D2HGDH: variants seen among roughly 807,000 people sequenced by gnomAD.
D2HGDH encodes the protein D-2-hydroxyglutarate dehydrogenase.
In D2HGDH, 31 loss-of-function variants were observed where a neutral mutation model predicts 46.9. The observed-to-expected ratio is 0.66, with a 90% CI of 0.50 to 0.89. The LOEUF is 0.89. Ranked by LOEUF, D2HGDH falls within the 40% of genes least tolerant of loss-of-function variation. D2HGDH has a pLI of 0.00. For missense variants in D2HGDH, 698 were observed against 720.8 expected (o/e 0.97, Z 0.36); for synonymous variants, 364 against 332.6 (o/e 1.09, Z -1.03).
At chr2:241,763,448 C>T (rs1025351902) in intron 9 of D2HGDH, among the ~76,000 whole-genome samples, 2 of 151,994 alleles carry the variant, frequency 1.3e-5, no homozygotes, top group African/African-American at 4.8e-5. Context: ...GCCTGGGGTG[C>T]CCATCACGAG....
Position 241,768,396 on chromosome 2 carries a change from G to A in D2HGDH, c.*427G>A, listed in dbSNP as rs142873084. On this transcript the variant is annotated 3_prime_UTR_variant, in exon 10 of 10. Coordinates refer to ENST00000321264, the MANE Select transcript of D2HGDH (RefSeq NM_152783.5). ...CAGCGGGGGGCATGCGTGGGCAGCAGGGGGCGTGGGCAGCGGGGGCACGGG... is the reference window on the plus strand; with the variant it reads ...CAGCGGGGGGCATGCGTGGGCAGCAAGGGGCGTGGGCAGCGGGGGCACGGG... The A allele has an allele frequency of 8.7e-3, 1,702 of 195,104 alleles. 38 individuals carry two copies. The highest frequency in any genetic ancestry group is 0.038 in the African/African-American group (1,615 of 42,152). The allele number at this position is 195,104 out of a possible 1,614,324, so 12.1% of individuals were successfully genotyped here.
At chr2:241,750,446 CAT>C (rs1246953132) in intron 7 of D2HGDH, 152 bp downstream of exon 7, 24 of 947,756 alleles carry the variant, frequency 2.5e-5, no homozygotes, top group Non-Finnish European at 3.3e-5. Context: ...CCGTTGGGCT[CAT>C]GTGTAAGAAA....
rs143753076 is a variant in D2HGDH at position 241,748,919 on chromosome 2, C to T, written c.854-1232C>T. The stretch of plus-strand genomic sequence containing the variant: ...GGGAGCCCGAGGCCAGCCCGGCTGC[C>T]GCATCCTGCTCTTCGCACTCCAGGT... On this transcript the variant is annotated intron_variant, in intron 6 of 9. Coordinates refer to ENST00000321264, the MANE Select transcript of D2HGDH (RefSeq NM_152783.5). 1.5e-3 allele frequency: 1,936 copies of T among 1,296,732 alleles called. 29 individuals carry two copies. The African/African-American group carries it at 0.027, about 18-fold the overall frequency. 80.3% of individuals were successfully genotyped at this position (1,296,732 alleles called of 1,614,324 possible).
At chr2:241,739,635 G>A (rs1036068346) in intron 2 of D2HGDH, among the ~76,000 whole-genome samples, 6 of 152,366 alleles carry the variant, frequency 3.9e-5, no homozygotes, top group African/African-American at 7.2e-5. Context: ...CCCAAAGGCA[G>A]AAAGACGCCT....
At chr2:241,756,492 T>C (rs1326979308) in intron 9 of D2HGDH, among the ~76,000 whole-genome samples, 1 of 152,232 alleles carries the variant, frequency 6.6e-6, no homozygotes, top group African/African-American at 2.4e-5. Flanking sequence ...GTGTAAGCTA[T>C]TAATTCATAG....
rs35192510 is a variant in D2HGDH at position 241,753,448 on chromosome 2, G to C, written c.1140+2060G>C. Among the ~76,000 whole-genome samples the C allele has an allele frequency of 4.6e-3, 703 of 152,150 alleles. 5 individuals carry two copies. Among genetic ancestry groups the C allele is most frequent in the Middle Eastern group, 0.01 (3 of 294 alleles). ...GGCGAGGCTCTGGGCAGGTCCTGAGGCTTTTCTCTGCTGTTGTCCGGTGTT... is the reference window on the plus strand; with the variant it reads ...GGCGAGGCTCTGGGCAGGTCCTGAGCCTTTTCTCTGCTGTTGTCCGGTGTT... On this transcript the variant is annotated intron_variant, in intron 8 of 9. Coordinates refer to ENST00000321264, the MANE Select transcript of D2HGDH (RefSeq NM_152783.5).
chr2:241,747,389 AGGGTTT>A (rs1056904328), intron 6 of D2HGDH, among the ~76,000 whole-genome samples: 1 of 105,134 alleles, frequency 9.5e-6, no homozygotes, highest in African/African-American at 5.9e-5. Flanking sequence ...TCCTCCAGAG[AGGGTTT>A]GCTTTTGCTT....
chr2:241,764,170 G>A (rs4443030), intron 9 of D2HGDH, among the ~76,000 whole-genome samples: 46,820 of 151,792 alleles, frequency 0.31, 8,333 homozygotes, highest in African/African-American at 0.49. Context: ...GCACGCATCC[G>A]TGGGGACTGT....
At position 241,743,065 on chromosome 2, in the gene D2HGDH, GGGCGTGGC is replaced by G. The variant is rs1694936812; in HGVS notation, c.490+492_490+499del. 7.4e-6 allele frequency among the ~76,000 whole-genome samples: 1 copy of G among 135,948 alleles called. No individual in the cohort carries two copies. Among genetic ancestry groups the G allele is most frequent in the African/African-American group, 3.0e-5 (1 of 33,860 alleles). The allele number at this position is 135,948 out of a possible 152,430, so 89.2% of individuals were successfully genotyped here. A position where few individuals can be genotyped will look rare whatever the true frequency, so the allele number is the denominator to read the frequency against. On this transcript the variant is annotated intron_variant, in intron 4 of 9. Coordinates refer to ENST00000321264, the MANE Select transcript of D2HGDH (RefSeq NM_152783.5). This position sits in a 1 kb window ranked among gnomAD's most constrained non-coding sequence, Gnocchi z 4.8. ...GAGGGGATCCTGACCCAGGGCGCCA[GGGCGTGGC>G]AGGCGTGAGGGGATCCTGACCCAGG...
chr2:241,736,609 A>C (rs1369664707), intron 2 of D2HGDH, among the ~76,000 whole-genome samples: 1 of 151,930 alleles, frequency 6.6e-6, no homozygotes, highest in Non-Finnish European at 1.5e-5. Flanking sequence ...GGCCCACCCT[A>C]ATCCAGGATG....
Position 241,744,981 on chromosome 2 carries a change from C to CCT in D2HGDH, c.853+104_853+105insCT, listed in dbSNP as rs567209414. On this transcript the variant is annotated intron_variant, in intron 6 of 9. Transcript: ENST00000321264. The stretch of plus-strand genomic sequence containing the variant: ...GGAAGGGGATGGAGGGACCCCCCGC[C>CCT]AAGGACAGTCGGTTCCCGTGTCTCC... 1,135 of 1,475,268 alleles carry CCT rather than the reference C, an allele frequency of 7.7e-4. 8 individuals are homozygous for CCT. In the African/African-American group the frequency reaches 0.014, roughly 19 times the overall value. 91.4% of individuals were successfully genotyped at this position (1,475,268 alleles called of 1,614,324 possible).
chr2:241,736,736 C>A (rs1414564169), intron 2 of D2HGDH, among the ~76,000 whole-genome samples: 1 of 150,208 alleles, frequency 6.7e-6, no homozygotes, highest in Non-Finnish European at 1.5e-5. Flanking sequence ...ATGGTGCAAT[C>A]TTGGCTCACT....
At chr2:241,745,003 C>T (rs1050763789) in intron 6 of D2HGDH, 126 bp downstream of exon 6, 21 of 1,235,320 alleles carry the variant, frequency 1.7e-5, no homozygotes, top group Non-Finnish European at 1.4e-5. Context: ...GTTCCCGTGT[C>T]TCCTGACATC....
At chr2:241,750,412 G>T (rs1351378174) in intron 7 of D2HGDH, 118 bp downstream of exon 7, 1 of 1,102,858 alleles carries the variant, frequency 9.1e-7, no homozygotes, top group East Asian at 2.6e-5. Flanking sequence ...CGGGTGGGGG[G>T]TCCCTGGGCG....
intron 7 of D2HGDH, among the ~76,000 whole-genome samples, chr2:241,751,016 C>A (rs1697091930): frequency 6.6e-6 from 1 of 152,192 alleles, no homozygotes; most frequent in South Asian, 2.1e-4. Flanking sequence ...CCTCAGCCTC[C>A]CAAAGTGCTG....
chr2:241,742,620 T>C lies in D2HGDH; in HGVS notation c.490+46T>C, dbSNP rs969392797. On this transcript the variant is annotated intron_variant, in intron 4 of 9. Transcript: ENST00000321264. This position sits in a 1 kb window ranked among gnomAD's most constrained non-coding sequence, Gnocchi z 4.8. The stretch of plus-strand genomic sequence containing the variant: ...GGGGCCCAGGAGTCCCTCCTGGTGC[T>C]GGTGGAGTTCTTCCTTGCCAGCGTC... 2 of 1,611,794 alleles carry C rather than the reference T, an allele frequency of 1.2e-6. No individual in the cohort carries two copies. Among genetic ancestry groups the C allele is most frequent in the African/African-American group, 1.3e-5 (1 of 74,876 alleles).
chr2:241,750,696 G>A (rs1575282816), intron 7 of D2HGDH, among the ~76,000 whole-genome samples: 2 of 152,218 alleles, frequency 1.3e-5, no homozygotes, highest in East Asian at 3.9e-4. Flanking sequence ...GTTGTTGGGG[G>A]ATGGAGTTTC....
chr2:241,752,384 C>G (rs547915673), intron 8 of D2HGDH, among the ~76,000 whole-genome samples: 2 of 152,220 alleles, frequency 1.3e-5, no homozygotes, highest in East Asian at 3.9e-4. Context: ...TGCGTCCTTC[C>G]TAGGTCTCTG....
rs534074231 is a variant in D2HGDH at position 241,755,422 on chromosome 2, T to C, written c.1141-427T>C. The C allele has an allele frequency of 1.8e-5, 23 of 1,307,952 alleles. No individual in the cohort carries two copies. The Admixed American group carries it at 4.1e-4, about 23-fold the overall frequency. The allele number at this position is 1,307,952 out of a possible 1,614,324, so 81.0% of individuals were successfully genotyped here. On this transcript the variant is annotated intron_variant, in intron 8 of 9. Transcript: ENST00000321264. ...GGAGCGTCCAGGCCCATTCTCATCC[T>C]CAGGGCCTTCCCTGGCCCTTGCCAC...
Sources: allele counts gnomAD v4.1 joint callset (sites outside exome capture counted in the v4.1 genomes callset), GRCh38; gene constraint gnomAD v4.1.1; non-coding constraint Gnocchi (gnomAD v3.1); transcripts MANE v1.5; gene names NCBI Gene and HGNC (gene_info 2026-07-23, HGNC 2026-07-21).